ANKRD6: variants seen among roughly 807,000 people sequenced by gnomAD.
ANKRD6 encodes the protein ankyrin repeat domain-containing protein 6.
ANKRD6 carries 56 observed loss-of-function variants against 82.3 expected under a neutral mutation model. That is an observed-to-expected ratio of 0.68 (90% CI 0.55 to 0.85). The LOEUF (loss-of-function observed/expected upper bound fraction) is 0.85, where lower values mean the gene tolerates loss of function less well. Among genes scored for constraint, ANKRD6 ranks in the 40% least tolerant of loss-of-function variants. The pLI is 0.00. For missense variants in ANKRD6, 852 were observed against 907.6 expected (o/e 0.94, Z 0.79); for synonymous variants, 347 against 352.1 (o/e 0.99, Z 0.16).
At chr6:89,485,890 G>A (rs1307454285) in intron 1 of ANKRD6, among the ~76,000 whole-genome samples, 1 of 152,164 alleles carries the variant, frequency 6.6e-6, no homozygotes, top group Non-Finnish European at 1.5e-5. Flanking sequence ...TTGCTGTGAT[G>A]TTTGTGCATA....
At chr6:89,448,826 C>A in intron 1 of ANKRD6, among the ~76,000 whole-genome samples, 1 of 151,914 alleles carries the variant, frequency 6.6e-6, no homozygotes, top group East Asian at 1.9e-4. Context: ...GTCAGGAGAT[C>A]GAGACCATCT....
chr6:89,457,396 G>C (rs1773616999), intron 1 of ANKRD6, among the ~76,000 whole-genome samples: 13 of 152,118 alleles, frequency 8.5e-5, no homozygotes, highest in Admixed American at 8.5e-4. Flanking sequence ...TGGGAAACCT[G>C]TTTGCAAGTC....
In ANKRD6 at chr6:89,623,547, C is replaced by G. The variant is rs1192848243; in HGVS notation, c.1032+3C>G. The G allele has an allele frequency of 1.9e-6, 3 of 1,578,232 alleles. No homozygotes were observed. The Admixed American group carries it at 5.6e-5, about 29-fold the overall frequency. On this transcript the variant is annotated splice_donor_region_variant and intron_variant, in intron 11 of 15. Transcript: ENST00000339746. ...GGAGGAGAAAGTCAAGGCCCAAGGT[C>G]AGGAGACACAGAAAGCAGCCCAGAG...
chr6:89,580,726 A>AT (rs1261717466), intron 2 of ANKRD6, among the ~76,000 whole-genome samples: 1 of 152,074 alleles, frequency 6.6e-6, no homozygotes, highest in African/African-American at 2.4e-5. Flanking sequence ...TGTGGTGGTC[A>AT]TTTGCTTTGT....
At chr6:89,519,257 A>G (rs760683737) in intron 1 of ANKRD6, among the ~76,000 whole-genome samples, 1 of 152,232 alleles carries the variant, frequency 6.6e-6, no homozygotes, top group Non-Finnish European at 1.5e-5. Flanking sequence ...CATCCTGGTC[A>G]TACTGCAGAG....
intron 4 of ANKRD6, among the ~76,000 whole-genome samples, chr6:89,603,716 T>C (rs1797818135): frequency 6.6e-6 from 1 of 152,204 alleles, no homozygotes; most frequent in African/African-American, 2.4e-5. Flanking sequence ...CCAAACACAG[T>C]GGCTCACGCC....
chr6:89,504,678 T>C (rs937176232), intron 1 of ANKRD6, among the ~76,000 whole-genome samples: 20 of 152,200 alleles, frequency 1.3e-4, no homozygotes, highest in African/African-American at 4.8e-4. Context: ...GTACTAGGAT[T>C]ATAAGTGTGA....
At chr6:89,593,525 A>G (rs1232144364) in intron 2 of ANKRD6, among the ~76,000 whole-genome samples, 5 of 152,198 alleles carry the variant, frequency 3.3e-5, no homozygotes, top group Admixed American at 3.3e-4. Flanking sequence ...TGATTAAAGT[A>G]AGCTCTGACC....
At chr6:89,497,955 A>G (rs1778832293) in intron 1 of ANKRD6, among the ~76,000 whole-genome samples, 1 of 152,208 alleles carries the variant, frequency 6.6e-6, no homozygotes, top group African/African-American at 2.4e-5. Flanking sequence ...CATTACATAT[A>G]AATAGAATCA....
chr6:89,529,263 C>G (rs2127987384), intron 1 of ANKRD6, among the ~76,000 whole-genome samples: 1 of 152,368 alleles, frequency 6.6e-6, no homozygotes, highest in South Asian at 2.1e-4. Context: ...TCTTAGATAA[C>G]TTACTGTAAC....
intron 1 of ANKRD6, among the ~76,000 whole-genome samples, chr6:89,554,664 G>A (rs1224684194): frequency 6.6e-6 from 1 of 152,104 alleles, no homozygotes; most frequent in African/African-American, 2.4e-5. Flanking sequence ...TCCATGCCAC[G>A]TATTGTTCGT....
At chr6:89,501,008 G>A (rs1779202364) in intron 1 of ANKRD6, among the ~76,000 whole-genome samples, 2 of 125,606 alleles carry the variant, frequency 1.6e-5, no homozygotes, top group Admixed American at 8.9e-5. Context: ...ACAGAAAAAA[G>A]CACAGCTCTT....
chr6:89,619,198 T>A (rs1478707463), intron 9 of ANKRD6, among the ~76,000 whole-genome samples: 3 of 152,290 alleles, frequency 2.0e-5, no homozygotes, highest in South Asian at 2.1e-4. Flanking sequence ...CAAAAGAAAG[T>A]CAGTAGGAAA....
intron 9 of ANKRD6, among the ~76,000 whole-genome samples, chr6:89,619,037 C>A (rs1037118353): frequency 1.3e-5 from 2 of 152,066 alleles, no homozygotes; most frequent in Non-Finnish European, 2.9e-5. Flanking sequence ...TTTGGGATGG[C>A]CTTTATTTTG....
intron 1 of ANKRD6, among the ~76,000 whole-genome samples, chr6:89,522,443 T>C (rs1330669906): frequency 1.3e-5 from 2 of 152,176 alleles, no homozygotes; most frequent in Non-Finnish European, 2.9e-5. Flanking sequence ...ATAGAAGTGC[T>C]TCCTCAAAAC....
intron 1 of ANKRD6, among the ~76,000 whole-genome samples, chr6:89,505,919 G>A (rs945621472): frequency 2.0e-5 from 3 of 152,134 alleles, no homozygotes; most frequent in South Asian, 2.1e-4. Context: ...GAAAACATGC[G>A]TGAACCTGCA....
chr6:89,495,657 A>G (rs1057354970), intron 1 of ANKRD6, among the ~76,000 whole-genome samples: 1 of 152,296 alleles, frequency 6.6e-6, no homozygotes, highest in South Asian at 2.1e-4. Context: ...ACGGGATGAG[A>G]AAGTAGTGCT....
In ANKRD6 at chr6:89,440,432, T is replaced by C. The variant is rs1306373492; in HGVS notation, c.-144+7057T>C. Among the ~76,000 whole-genome samples, 3 of 152,222 alleles carry C rather than the reference T, an allele frequency of 2.0e-5. No individual in the cohort carries two copies. The East Asian group carries it at 5.8e-4, about 29-fold the overall frequency. The stretch of plus-strand genomic sequence containing the variant: ...AGGCTGTTAAGGACCTAAAGCTGTC[T>C]TCTGTGACTAACCTTTATCCTTCCT... On this transcript the variant is annotated intron_variant, in intron 1 of 15. Coordinates refer to ENST00000339746, the MANE Select transcript of ANKRD6 (RefSeq NM_001242809.2).
chr6:89,556,400 G>T (rs1303867866), intron 1 of ANKRD6, among the ~76,000 whole-genome samples: 1 of 152,230 alleles, frequency 6.6e-6, no homozygotes, highest in Non-Finnish European at 1.5e-5. Context: ...GTGCTGACTT[G>T]TATAAAGTTA....
Sources: allele counts gnomAD v4.1 joint callset (sites outside exome capture counted in the v4.1 genomes callset), GRCh38; gene constraint gnomAD v4.1.1; transcripts MANE v1.5; gene names NCBI Gene and HGNC (gene_info 2026-07-23, HGNC 2026-07-21).